TPM4: variants seen among roughly 807,000 people sequenced by gnomAD.
The protein encoded by TPM4 is tropomyosin alpha-4 chain.
Under a neutral mutation model 35.8 loss-of-function variants are expected in TPM4, and 17 were observed. That is an observed-to-expected ratio of 0.47 (90% confidence interval 0.32 to 0.71). The LOEUF is 0.71. TPM4 is among the 30% of genes least tolerant of loss of function. The pLI, the probability that TPM4 is intolerant of heterozygous loss-of-function variation, is 0.03. For missense variants in TPM4, 240 were observed against 320.9 expected (o/e 0.75, Z 1.93); for synonymous variants, 120 against 122.9 (o/e 0.98, Z 0.15).
chr19:16,090,177 G>A (rs1397440083), intron 5 of TPM4, among the ~76,000 whole-genome samples: 2 of 151,834 alleles, frequency 1.3e-5, no homozygotes, highest in Non-Finnish European at 2.9e-5. Context: ...GTGTAGTGGC[G>A]TGATCATAGC....
upstream of TPM4, among the ~76,000 whole-genome samples, chr19:16,073,965 A>C (rs1166133099): frequency 2.9e-5 from 4 of 137,544 alleles, no homozygotes; most frequent in African/African-American, 1.1e-4. Context: ...AAAAAACGCA[A>C]AAAAAAAAAA....
Position 16,094,594 on chromosome 19 carries a change from A to AT in TPM4, c.664+851dup, listed in dbSNP as rs373147113. Among the ~76,000 whole-genome samples the AT allele has an allele frequency of 3.8e-3, 557 of 147,850 alleles. 3 individuals carry two copies. The highest frequency in any genetic ancestry group is 0.012 in the African/African-American group (482 of 40,416). ...TGCTCATTTCTGATAGATGCCTTGC[A>AT]TTTTTTTTTTACATGCCTTGCATTT... On this transcript the variant is annotated intron_variant, in intron 7 of 7. Transcript: ENST00000643579.
intron 4 of TPM4, 112 bp downstream of exon 4, chr19:16,088,209 G>A: frequency 6.8e-7 from 1 of 1,461,224 alleles, no homozygotes; most frequent in Non-Finnish European, 9.3e-7. Flanking sequence ...CAAGTGGACG[G>A]GCGTCAGGGG....
rs2090764404 is a variant in TPM4, at chr19:16,101,606, G to A, written c.*260G>A. On this transcript the variant is annotated 3_prime_UTR_variant, in exon 8 of 8. Transcript: ENST00000643579. ...TTAAGTAGCATTTATTCCTAAGGTAGGCAGGGTATTTCCTAGTAAGCATAC... is the reference window on the plus strand; with the variant it reads ...TTAAGTAGCATTTATTCCTAAGGTAAGCAGGGTATTTCCTAGTAAGCATAC... The A allele has an allele frequency of 2.6e-6, 1 of 382,908 alleles. No homozygotes were observed. The highest frequency in any genetic ancestry group is 4.8e-6 in the Non-Finnish European group (1 of 208,564). 23.7% of individuals were successfully genotyped at this position (382,908 alleles called of 1,614,324 possible). A position where few individuals can be genotyped will look rare whatever the true frequency, so the allele number is the denominator to read the frequency against.
intron 7 of TPM4, 77 bp downstream of exon 7, chr19:16,093,830 T>A: frequency 1.3e-6 from 2 of 1,542,640 alleles, no homozygotes; most frequent in Non-Finnish European, 1.8e-6. Context: ...TTGGGGAATG[T>A]TTGTGGAGGG....
chr19:16,080,941 C>T (rs1341261778), intron 1 of TPM4: 1 of 398,190 alleles, frequency 2.5e-6, no homozygotes, highest in Non-Finnish European at 4.4e-6. Flanking sequence ...AAGCCAATAA[C>T]ACTATTGGGG....
At chr19:16,077,261 G>A (rs1352755981) in intron 1 of TPM4, 3 of 146,140 alleles carry the variant, frequency 2.1e-5, no homozygotes, top group African/African-American at 7.4e-5. Context: ...CGGCGGCGAC[G>A]TGTCTGCTCC....
chr19:16,100,179 C>T (rs189384497), intron 7 of TPM4: 3 of 152,184 alleles, frequency 2.0e-5, no homozygotes, highest in Admixed American at 6.5e-5. Context: ...ATTTGACAGA[C>T]GGGGAAAACA....
chr19:16,084,477 TC>T (rs1265433718), intron 2 of TPM4, among the ~76,000 whole-genome samples: 1 of 152,216 alleles, frequency 6.6e-6, no homozygotes, highest in Non-Finnish European at 1.5e-5. Flanking sequence ...TAGCTGCTGT[TC>T]ACAGTCAGAC....
intron 5 of TPM4, among the ~76,000 whole-genome samples, chr19:16,089,742 C>T (rs1469779506): frequency 6.8e-6 from 1 of 147,434 alleles, no homozygotes; most frequent in Admixed American, 6.9e-5. Context: ...GATCATAGTT[C>T]ATTGCAGCCT....
At chr19:16,080,976 G>C (rs963820546) in intron 1 of TPM4, 1 of 398,542 alleles carries the variant, frequency 2.5e-6, no homozygotes. Flanking sequence ...CTGCAACCAA[G>C]TTTTCTTTCC....
chr19:16,102,836 C>T lies in TPM4; in HGVS notation c.*1490C>T. The T allele has an allele frequency of 4.3e-6, 1 of 229,956 alleles. No individual in the cohort carries two copies. Among genetic ancestry groups the T allele is most frequent in the Admixed American group, 5.7e-5 (1 of 17,568 alleles). The allele number at this position is 229,956 out of a possible 1,614,324, so 14.2% of individuals were successfully genotyped here. ...TGGCTTATCTGAATCCCTTACCCACCCCACCCCACCACCCTACTCCTATTT... is the reference window on the plus strand; with the variant it reads ...TGGCTTATCTGAATCCCTTACCCACTCCACCCCACCACCCTACTCCTATTT... On this transcript the variant is annotated 3_prime_UTR_variant, in exon 8 of 8. Coordinates refer to ENST00000643579, the MANE Select transcript of TPM4 (RefSeq NM_003290.3).
At chr19:16,101,222 G>A (rs372263719) in intron 7 of TPM4, 42 bp from the exon 8 acceptor site, 63 of 1,415,832 alleles carry the variant, frequency 4.4e-5, no homozygotes, top group Non-Finnish European at 5.7e-5. Flanking sequence ...TAACAAAGAC[G>A]CTTATTAATT....
At chr19:16,086,721 A>C (rs916065005) in intron 3 of TPM4, among the ~76,000 whole-genome samples, 181 bp downstream of exon 3, 2 of 152,198 alleles carry the variant, frequency 1.3e-5, no homozygotes, top group Non-Finnish European at 2.9e-5. Context: ...ACGATGCCAG[A>C]AAGTGCTGCG....
intron 3 of TPM4, 80 bp downstream of exon 3, chr19:16,086,620 A>G: frequency 8.3e-7 from 1 of 1,204,304 alleles, no homozygotes; most frequent in Non-Finnish European, 1.2e-6. Flanking sequence ...CACCGGGGCC[A>G]ACGAAAGGAA....
intron 5 of TPM4, among the ~76,000 whole-genome samples, chr19:16,090,349 C>T (rs1326919239): frequency 6.6e-6 from 1 of 151,498 alleles, no homozygotes; most frequent in Admixed American, 6.6e-5. Context: ...AACTCCTGGC[C>T]TCAAGTGATC....
Position 16,081,821 on chromosome 19 carries a change from G to A in TPM4, c.133-92G>A, listed in dbSNP as rs537035102. 4.2e-6 allele frequency: 6 copies of A among 1,413,754 alleles called. No homozygotes were observed. In the South Asian group the frequency reaches 1.0e-4, roughly 24 times the overall value. 87.6% of individuals were successfully genotyped at this position (1,413,754 alleles called of 1,614,324 possible). A position where few individuals can be genotyped will look rare whatever the true frequency, so the allele number is the denominator to read the frequency against. ...CTCCTGGGTGGGCTTTGACGGGGAA[G>A]ATCAGGTTAACAGAGGGCAGGACAT... On this transcript the variant is annotated intron_variant, in intron 1 of 7. Coordinates refer to ENST00000643579, the MANE Select transcript of TPM4 (RefSeq NM_003290.3).
intron 1 of TPM4, 68 bp downstream of exon 1, chr19:16,076,765 C>T: frequency 7.8e-7 from 1 of 1,284,418 alleles, no homozygotes; most frequent in Non-Finnish European, 9.9e-7. Flanking sequence ...TTCTTCCCGG[C>T]TTCCCGCGCT....
intron 1 of TPM4, chr19:16,077,934 T>C (rs555263756): frequency 3.8e-4 from 135 of 352,132 alleles, no homozygotes; most frequent in African/African-American, 1.8e-3. Context: ...GCTAATTTTT[T>C]TTTTTTTATT....
Sources: gnomAD v4.1 joint callset for allele counts (sites outside exome capture counted in the v4.1 genomes callset) on GRCh38, gnomAD v4.1.1 for gene constraint, MANE v1.5 for transcripts, NCBI Gene and HGNC (gene_info 2026-07-23, HGNC 2026-07-21) for gene names.